The following CAMSAP1 variants were observed in gnomAD, a reference collection of about 807,000 sequenced individuals.
The protein encoded by CAMSAP1 is calmodulin-regulated spectrin-associated protein 1.
CAMSAP1 carries 58 observed loss-of-function variants against 143.5 expected under a neutral mutation model. The ratio of observed to expected loss-of-function variants is 0.40; its 90% confidence interval spans 0.33 to 0.50. The LOEUF (loss-of-function observed/expected upper bound fraction) is 0.50, where lower values mean the gene tolerates loss of function less well. Among genes scored for constraint, CAMSAP1 ranks in the 20% least tolerant of loss-of-function variants. The probability of loss-of-function intolerance (pLI) is 0.45; values close to 1 mark genes in which losing one functional copy is unlikely to be tolerated. For synonymous variants in CAMSAP1, 945 were observed against 859.3 expected (o/e 1.10, Z -1.74); for missense variants, 1,969 against 2,115.7 (o/e 0.93, Z 1.36).
At position 135,810,596 on chromosome 9, in the gene CAMSAP1, C is replaced by T. The variant is rs745641313; in HGVS notation, c.*713G>A. 1.3e-5 allele frequency: 2 copies of T among 152,650 alleles called. No individual in the cohort carries two copies. Among genetic ancestry groups the T allele is most frequent in the Non-Finnish European group, 2.9e-5 (2 of 68,076 alleles). The allele number at this position is 152,650 out of a possible 1,614,324, so 9.5% of individuals were successfully genotyped here. On this transcript the variant is annotated 3_prime_UTR_variant, in exon 17 of 17. Coordinates refer to ENST00000389532, the MANE Select transcript of CAMSAP1 (RefSeq NM_015447.4). The stretch of plus-strand genomic sequence containing the variant: ...ACCGCGTGCCAGAAGTCATCATCTT[C>T]ACATTTGTAGACGTTGTTCTAGCGG...
chr9:135,906,384 G>C (rs1033203997), intron 1 of CAMSAP1, among the ~76,000 whole-genome samples: 1 of 152,354 alleles, frequency 6.6e-6, no homozygotes, highest in East Asian at 1.9e-4. Context: ...CCTGTTCCCA[G>C]GGCACGAAAC....
chr9:135,829,552 A>G (rs2131680242), intron 7 of CAMSAP1, among the ~76,000 whole-genome samples: 1 of 151,412 alleles, frequency 6.6e-6, no homozygotes, highest in South Asian at 2.1e-4. Flanking sequence ...AGACAAAAAT[A>G]GTTAAAATAA....
At chr9:135,836,430 CCA>C (rs1267145457) in intron 7 of CAMSAP1, 14 of 984,996 alleles carry the variant, frequency 1.4e-5, no homozygotes, top group East Asian at 1.1e-4. Context: ...AGACACGTCA[CCA>C]CACACTTTCT....
chr9:135,870,119 G>A (rs1472572044), intron 3 of CAMSAP1, among the ~76,000 whole-genome samples: 1 of 152,182 alleles, frequency 6.6e-6, no homozygotes, highest in Non-Finnish European at 1.5e-5. Context: ...AGCTGATATG[G>A]TTTGGCTCTG....
At chr9:135,892,848 C>CAAAGAAAAA (rs1838327141) in intron 1 of CAMSAP1, among the ~76,000 whole-genome samples, 1 of 42,078 alleles carries the variant, frequency 2.4e-5, no homozygotes, top group African/African-American at 1.1e-4. Flanking sequence ...AAGACTGTCT[C>CAAAGAAAAA]AAAAAAAAAA....
chr9:135,889,817 C>T (rs1168557389), intron 1 of CAMSAP1, among the ~76,000 whole-genome samples: 9 of 152,208 alleles, frequency 5.9e-5, no homozygotes, highest in East Asian at 1.9e-4. Flanking sequence ...ACCTGAGGCC[C>T]GGCCGGCCAC....
At chr9:135,875,786 C>CA (rs1837725237) in intron 3 of CAMSAP1, among the ~76,000 whole-genome samples, 1 of 152,106 alleles carries the variant, frequency 6.6e-6, no homozygotes, top group Admixed American at 6.5e-5. Flanking sequence ...AAAATGAACT[C>CA]AAAGTGGGTC....
chr9:135,836,781 G>T (rs1836067400), intron 7 of CAMSAP1: 1 of 979,814 alleles, frequency 1.0e-6, no homozygotes, highest in Admixed American at 6.4e-5. Context: ...CTGTTCTACA[G>T]ACACACATCA....
chr9:135,888,748 G>A (rs1274226759), intron 1 of CAMSAP1, among the ~76,000 whole-genome samples: 1 of 152,212 alleles, frequency 6.6e-6, no homozygotes, highest in African/African-American at 2.4e-5. Flanking sequence ...TCCAACTCAA[G>A]GTAAAAGCGA....
In CAMSAP1 at chr9:135,898,383, G is replaced by T. The variant is rs956740573; in HGVS notation, c.160+8617C>A. ...CAACTGGCCAGGCGTGGTGGCTCCC[G>T]CCTGTAATCCTAGCACTTTGGGAGG... is the stretch of plus-strand genomic sequence containing the variant. On this transcript the variant is annotated intron_variant, in intron 1 of 16. Coordinates refer to ENST00000389532, the MANE Select transcript of CAMSAP1 (RefSeq NM_015447.4). 2.0e-5 allele frequency among the ~76,000 whole-genome samples: 3 copies of T among 152,094 alleles called. No homozygotes were observed. In the South Asian group the frequency reaches 6.2e-4, roughly 32 times the overall value.
rs1257783557 is a variant in CAMSAP1, at chr9:135,866,515, T to A, written c.607A>T (p.Ile203Leu). 6.9e-7 allele frequency: 1 copy of A among 1,454,930 alleles called. No individual in the cohort carries two copies. Among genetic ancestry groups the A allele is most frequent in the Admixed American group, 2.0e-5 (1 of 50,820 alleles). 90.1% of individuals were successfully genotyped at this position (1,454,930 alleles called of 1,614,324 possible). ...INKVNLKMRE[I>L]TEKEVKLKQQ... ...TTTAATTTAACTTCTTTCTCTGTTA[T>A]CTCTCTCATTTTAAGATTTACCTAA... Residue 203 changes from isoleucine (I) to leucine (L), a missense_variant, in exon 4 of 17, where the codon ATA (isoleucine) becomes TTA (leucine). Physicochemically the swap from Ile to Leu is conservative, Grantham distance 5. This residue lies in a region of CAMSAP1 where 221 missense variants were observed against 298.2 expected (regional missense o/e 0.74). Transcript: ENST00000389532.
chr9:135,844,826 T>C (rs1355631154), intron 7 of CAMSAP1, among the ~76,000 whole-genome samples: 3 of 152,124 alleles, frequency 2.0e-5, no homozygotes, highest in East Asian at 1.9e-4. Context: ...CAGGAAAAAG[T>C]CAAATCCCTG....
In CAMSAP1 at chr9:135,879,675, A is replaced by C. The variant is rs189519406; in HGVS notation, c.585+1958T>G. 4.6e-5 allele frequency among the ~76,000 whole-genome samples: 7 copies of C among 152,212 alleles called. No homozygotes were observed. The East Asian group carries it at 1.4e-3, about 29-fold the overall frequency. ...TAGGTTCAGATTTGGCCAAAAAAAAACAAGCAAACAAAAAACAAAGTCCTT... is the reference window on the plus strand; with the variant it reads ...TAGGTTCAGATTTGGCCAAAAAAAACCAAGCAAACAAAAAACAAAGTCCTT... On this transcript the variant is annotated intron_variant, in intron 3 of 16. Transcript: ENST00000389532.
chr9:135,836,490 A>G (rs1836045555), intron 7 of CAMSAP1: 1 of 983,964 alleles, frequency 1.0e-6, no homozygotes, highest in Non-Finnish European at 1.2e-6. Flanking sequence ...CCTGTTCTAC[A>G]GACACACATC....
chr9:135,871,337 C>T (rs940130905), intron 3 of CAMSAP1, among the ~76,000 whole-genome samples: 4 of 152,094 alleles, frequency 2.6e-5, no homozygotes, highest in Non-Finnish European at 4.4e-5. Context: ...TACAAGTACA[C>T]ACCACCATGC....
rs934292550 is a variant in CAMSAP1, at chr9:135,816,807, G to A, written c.4272-802C>T. On this transcript the variant is annotated intron_variant, in intron 14 of 16. Transcript: ENST00000389532. ...GCAAGGGAAGCCCTTGCTCCCACGA[G>A]AGCTGACAACACGCGTGGAGGAAGC... Among the ~76,000 whole-genome samples, 4 of 152,208 alleles carry A rather than the reference G, an allele frequency of 2.6e-5. No individual in the cohort carries two copies. The East Asian group carries it at 7.7e-4, about 29-fold the overall frequency.
chr9:135,816,977 G>A (rs1314224890), intron 14 of CAMSAP1, among the ~76,000 whole-genome samples: 1 of 152,178 alleles, frequency 6.6e-6, no homozygotes, highest in East Asian at 1.9e-4. Flanking sequence ...CGTTGAGAAA[G>A]ACGCACACTC....
chr9:135,891,766 G>A (rs1289563159), intron 1 of CAMSAP1, among the ~76,000 whole-genome samples: 1 of 152,120 alleles, frequency 6.6e-6, no homozygotes, highest in Non-Finnish European at 1.5e-5. Flanking sequence ...AGTTATCAAA[G>A]ACTCTAAAAC....
At chr9:135,856,723 C>G (rs1158627060) in intron 5 of CAMSAP1, among the ~76,000 whole-genome samples, 2 of 152,250 alleles carry the variant, frequency 1.3e-5, no homozygotes, top group Non-Finnish European at 2.9e-5. Flanking sequence ...TCTTCCACAG[C>G]TGGGTTACAC....
Sources: allele counts gnomAD v4.1 joint callset (sites outside exome capture counted in the v4.1 genomes callset), GRCh38; gene constraint gnomAD v4.1.1; regional missense constraint gnomAD v4.1.1; transcripts MANE v1.5; gene names NCBI Gene and HGNC (gene_info 2026-07-23, HGNC 2026-07-21).